Variants in MAP2K5 observed in about 807,000 individuals in gnomAD.
The protein encoded by MAP2K5 is mitogen-activated protein kinase kinase 5, also known as dual specificity mitogen-activated protein kinase kinase 5.
MAP2K5 carries 49 observed loss-of-function variants against 83.1 expected under a neutral mutation model. The ratio of observed to expected loss-of-function variants is 0.59; its 90% CI spans 0.47 to 0.75. The LOEUF is 0.75. Among genes scored for constraint, MAP2K5 ranks in the 30% least tolerant of loss-of-function variants. MAP2K5 has a pLI of 0.00. For missense variants in MAP2K5, 457 were observed against 557.5 expected (o/e 0.82, Z 1.82); for synonymous variants, 202 against 191.8 (o/e 1.05, Z -0.44).
At position 67,636,850 on chromosome 15, in the gene MAP2K5, G is replaced by GT. The variant is rs1473785498; in HGVS notation, c.585+5924dup. On this transcript the variant is annotated intron_variant, in intron 9 of 21. Transcript: ENST00000178640. This position sits in a 1 kb window ranked among gnomAD's most constrained non-coding sequence, Gnocchi z 4.7. ...GATTAACATTTGAGTTAATGTTAAC[G>GT]TAAGAGATTAACATTTGAGTCAGTG... Among the ~76,000 whole-genome samples, 1 of 152,186 alleles carries GT rather than the reference G, an allele frequency of 6.6e-6. No homozygotes were observed. Among genetic ancestry groups the GT allele is most frequent in the Non-Finnish European group, 1.5e-5 (1 of 68,026 alleles).
intron 3 of MAP2K5, among the ~76,000 whole-genome samples, chr15:67,566,028 T>G (rs1453746792): frequency 6.6e-6 from 1 of 152,228 alleles, no homozygotes; most frequent in African/African-American, 2.4e-5. Context: ...AGCATGTTCC[T>G]ACAAATTTGC....
Position 67,573,488 on chromosome 15 carries a change from C to A in MAP2K5, c.253-7266C>A, listed in dbSNP as rs1246333923. 1.9e-4 allele frequency among the ~76,000 whole-genome samples: 29 copies of A among 152,020 alleles called. No homozygotes were observed. The highest frequency in any genetic ancestry group is 1.9e-3 in the Admixed American group (29 of 15,256). On this transcript the variant is annotated intron_variant, in intron 3 of 21. Transcript: ENST00000178640. This position sits in a 1 kb window ranked among gnomAD's most constrained non-coding sequence, Gnocchi z 4.2. Reference sequence around the variant, plus strand: ...ATCATGAGAACAGCAAGGGGGAAATCCACCCCCATGATCCAGTCATCTCTC... The same window carrying A: ...ATCATGAGAACAGCAAGGGGGAAATACACCCCCATGATCCAGTCATCTCTC...
chr15:67,621,910 G>A (rs1431304128), intron 8 of MAP2K5, among the ~76,000 whole-genome samples: 1 of 152,178 alleles, frequency 6.6e-6, no homozygotes, highest in African/African-American at 2.4e-5. Flanking sequence ...GTGGCCGGGT[G>A]CGGTGGCTTA....
intron 17 of MAP2K5, among the ~76,000 whole-genome samples, chr15:67,730,444 A>G (rs1452122494): frequency 6.6e-6 from 1 of 152,210 alleles, no homozygotes; most frequent in East Asian, 1.9e-4. Context: ...CAAGTGCAGT[A>G]GGCAGGAGTG....
At chr15:67,741,129 C>T (rs1304426805) in intron 17 of MAP2K5, among the ~76,000 whole-genome samples, 1 of 151,910 alleles carries the variant, frequency 6.6e-6, no homozygotes, top group Non-Finnish European at 1.5e-5. Context: ...CCCGTCAATC[C>T]GAGGTCTGTG....
rs1426470578 is a variant in MAP2K5 at position 67,587,110 on chromosome 15, G to A, written c.431+197G>A. ...GAGAAGGCTCTCTGGGGAGAGTGAC[G>A]TTTCTGTTTTGACCTGAAGAAGCAG... On this transcript the variant is annotated intron_variant, in intron 6 of 21. Coordinates refer to ENST00000178640, the MANE Select transcript of MAP2K5 (RefSeq NM_145160.3). This position sits in a 1 kb window ranked among gnomAD's most constrained non-coding sequence, Gnocchi z 4.8. Among the ~76,000 whole-genome samples, 3 of 152,166 alleles carry A rather than the reference G, an allele frequency of 2.0e-5. No homozygotes were observed. Among genetic ancestry groups the A allele is most frequent in the East Asian group, 1.9e-4 (1 of 5,206 alleles).
rs182162934 is a variant in MAP2K5 at position 67,771,762 on chromosome 15, A to T, written c.1197-945A>T. On this transcript the variant is annotated intron_variant, in intron 20 of 21. Transcript: ENST00000178640. The stretch of plus-strand genomic sequence containing the variant: ...CCAAATGATCATTAAATCTATTTTT[A>T]AAAAAGTATTGTCAGCAAATGCAGA... Among the ~76,000 whole-genome samples, 1,479 of 152,362 alleles carry T rather than the reference A, an allele frequency of 9.7e-3. 6 individuals carry two copies. The highest frequency in any genetic ancestry group is 0.017 in the Admixed American group (261 of 15,304).
chr15:67,607,578 G>A (rs1567305925), intron 8 of MAP2K5, among the ~76,000 whole-genome samples: 1 of 152,154 alleles, frequency 6.6e-6, no homozygotes, highest in Non-Finnish European at 1.5e-5. Flanking sequence ...GAGATTTTCA[G>A]ACTCAGTTTC....
intron 11 of MAP2K5, among the ~76,000 whole-genome samples, chr15:67,653,262 G>A (rs1234924127): frequency 6.7e-6 from 1 of 149,464 alleles, no homozygotes; most frequent in East Asian, 2.0e-4. Flanking sequence ...GTAGCTAAAA[G>A]TTTGTCAGTT....
At chr15:67,666,067 G>T (rs6494684) in intron 13 of MAP2K5, among the ~76,000 whole-genome samples, 149,452 of 152,282 alleles carry the variant, frequency 0.98, 73,411 homozygotes, top group Middle Eastern at 1. Context: ...TTTGACAAAA[G>T]AACTAAAGGA....
At chr15:67,608,701 G>T (rs1199112892) in intron 8 of MAP2K5, among the ~76,000 whole-genome samples, 2 of 152,206 alleles carry the variant, frequency 1.3e-5, no homozygotes, top group East Asian at 3.8e-4. Context: ...CTGACTTAAA[G>T]TCTGAAGGGC....
In MAP2K5 at chr15:67,614,562, T is replaced by C. The variant is rs2086010978; in HGVS notation, c.545+13813T>C. On this transcript the variant is annotated intron_variant, in intron 8 of 21. Transcript: ENST00000178640. ...CATTAGGCTTTATATCTCTTGCTTCTCTGTTTGCCCACTACATTATTTCAG... is the reference window on the plus strand; with the variant it reads ...CATTAGGCTTTATATCTCTTGCTTCCCTGTTTGCCCACTACATTATTTCAG... 3.3e-5 allele frequency among the ~76,000 whole-genome samples: 5 copies of C among 152,210 alleles called. No homozygotes were observed. In the South Asian group the frequency reaches 1.0e-3, roughly 31 times the overall value.
chr15:67,647,619 C>T (rs977020737), intron 11 of MAP2K5, among the ~76,000 whole-genome samples: 2 of 151,838 alleles, frequency 1.3e-5, no homozygotes, highest in Non-Finnish European at 2.9e-5. Context: ...GGCACGGTGG[C>T]TTACTCCTGT....
intron 11 of MAP2K5, 116 bp downstream of exon 11, chr15:67,646,585 T>C: frequency 1.8e-6 from 1 of 554,618 alleles, no homozygotes; most frequent in Non-Finnish European, 3.1e-6. Flanking sequence ...ATGCTAATAA[T>C]TACCTCATTT....
intron 16 of MAP2K5, among the ~76,000 whole-genome samples, chr15:67,705,909 T>G (rs2088540663): frequency 6.6e-6 from 1 of 152,144 alleles, no homozygotes; most frequent in South Asian, 2.1e-4. Flanking sequence ...GTGACTTGAC[T>G]GGAGTTAACA....
chr15:67,737,879 T>C (rs1223581538), intron 17 of MAP2K5, among the ~76,000 whole-genome samples: 2 of 104,472 alleles, frequency 1.9e-5, no homozygotes, highest in African/African-American at 7.4e-5. Context: ...TGAGACAGAG[T>C]GTCACTCTGT....
In MAP2K5 at chr15:67,717,668, T is replaced by A. The variant is rs2088859685; in HGVS notation, c.1045-10248T>A. Among the ~76,000 whole-genome samples the A allele has an allele frequency of 6.6e-6, 1 of 152,168 alleles. No homozygotes were observed. The highest frequency in any genetic ancestry group is 1.5e-5 in the Non-Finnish European group (1 of 68,024). The stretch of plus-strand genomic sequence containing the variant: ...GCCATTCTATGTAGCATCAAAAGCC[T>A]CTCATGAGGTTGCAGTTGGGTAGTG... On this transcript the variant is annotated intron_variant, in intron 16 of 21. Transcript: ENST00000178640. This position sits in a 1 kb window ranked among gnomAD's most constrained non-coding sequence, Gnocchi z 4.1.
chr15:67,564,686 A>G (rs1429294464), intron 3 of MAP2K5, among the ~76,000 whole-genome samples: 1 of 152,236 alleles, frequency 6.6e-6, no homozygotes, highest in Non-Finnish European at 1.5e-5. Flanking sequence ...TGAAAGGCAG[A>G]GTAGGATTGT....
intron 11 of MAP2K5, among the ~76,000 whole-genome samples, chr15:67,655,674 T>C (rs1056167150): frequency 6.6e-6 from 1 of 152,194 alleles, no homozygotes; most frequent in African/African-American, 2.4e-5. Flanking sequence ...AGTTTGATAA[T>C]AATGTGTATA....
Sources: gnomAD v4.1 joint callset for allele counts (sites outside exome capture counted in the v4.1 genomes callset) on GRCh38, gnomAD v4.1.1 for gene constraint, Gnocchi (gnomAD v3.1) non-coding constraint, MANE v1.5 for transcripts, NCBI Gene and HGNC (gene_info 2026-07-23, HGNC 2026-07-21) for gene names.